The following SEMA6D variants were observed in gnomAD, a reference collection of about 807,000 sequenced individuals.
SEMA6D encodes semaphorin-6D.
SEMA6D carries 35 observed loss-of-function variants against 106.6 expected under a neutral mutation model. The observed-to-expected ratio is 0.33, with a 90% CI of 0.25 to 0.44. The LOEUF (loss-of-function observed/expected upper bound fraction) is 0.44, where lower values mean the gene tolerates loss of function less well. Among genes scored for constraint, SEMA6D ranks in the 20% least tolerant of loss-of-function variants. The pLI, the probability that SEMA6D is intolerant of heterozygous loss-of-function variation, is 1.00. For missense variants in SEMA6D, 1,185 were observed against 1,345.9 expected, an observed-to-expected ratio of 0.88 and a Z score of 1.87; for synonymous variants, 499 against 487.7, an observed-to-expected ratio of 1.02 and a Z score of -0.31.
intron 2 of SEMA6D, among the ~76,000 whole-genome samples, chr15:47,453,625 T>G (rs1291295672): frequency 6.6e-6 from 1 of 152,066 alleles, no homozygotes; most frequent in East Asian, 1.9e-4. Context: ...GTTTTCAGTT[T>G]GCTTCCATGA....
intron 2 of SEMA6D, among the ~76,000 whole-genome samples, chr15:47,469,032 C>T (rs189828091): frequency 2.6e-5 from 4 of 152,242 alleles, no homozygotes; most frequent in Admixed American, 2.6e-4. Flanking sequence ...TTCCTGTCAG[C>T]ATAATTTCTT....
chr15:47,623,570 G>A (rs570548030), intron 4 of SEMA6D, among the ~76,000 whole-genome samples: 4 of 152,124 alleles, frequency 2.6e-5, no homozygotes, highest in African/African-American at 9.7e-5. Flanking sequence ...AAATGAGAGT[G>A]GTGTTGATAC....
rs192156332 is a variant in SEMA6D at position 47,637,297 on chromosome 15, G to A, written c.-55+36401G>A. The stretch of plus-strand genomic sequence containing the variant: ...AGTGCTTTCCCTAAGACAGCTTCTG[G>A]TAAATGTGGGTTTTGAATTGTATTA... On this transcript the variant is annotated intron_variant, in intron 4 of 19. Coordinates refer to the SEMA6D transcript ENST00000558014. Among the ~76,000 whole-genome samples the A allele has an allele frequency of 3.8e-4, 58 of 152,240 alleles. No homozygotes were observed. The South Asian group carries it at 0.01, about 27-fold the overall frequency.
chr15:47,764,308 A>G lies in SEMA6D; in HGVS notation c.1097+3A>G. On this transcript the variant is annotated splice_donor_region_variant and intron_variant, in intron 11 of 18. Coordinates refer to ENST00000536845, the MANE Select transcript of SEMA6D (RefSeq NM_001358351.3). ...GAAGACAAAGTGCCAAAGCCAAGGT[A>G]AATAAAAAAGTAGAAAAGGGTTTTG... The G allele has an allele frequency of 1.2e-6, 2 of 1,610,346 alleles. No individual in the cohort carries two copies. The highest frequency in any genetic ancestry group is 1.7e-6 in the Non-Finnish European group (2 of 1,178,848).
intron 4 of SEMA6D, among the ~76,000 whole-genome samples, chr15:47,622,959 A>G (rs766786670): frequency 1.3e-5 from 2 of 151,716 alleles, no homozygotes; most frequent in Admixed American, 6.6e-5. Flanking sequence ...GAAAGAGTGC[A>G]TGGAATCAGT....
intron 4 of SEMA6D, among the ~76,000 whole-genome samples, chr15:47,693,312 C>A (rs187432957): frequency 1.5e-3 from 226 of 152,250 alleles, no homozygotes; most frequent in African/African-American, 5.4e-3. Context: ...ACCAAGCTTG[C>A]CAACACCGTG....
At position 47,284,365 on chromosome 15, in the gene SEMA6D, T is replaced by C. The variant is rs2035265173; in HGVS notation, c.-239+99947T>C. 2.6e-5 allele frequency among the ~76,000 whole-genome samples: 4 copies of C among 152,202 alleles called. 1 individual carries two copies. In the South Asian group the frequency reaches 8.3e-4, roughly 31 times the overall value. Reference sequence around the variant, plus strand: ...CTGGGTTACACTGAATCTGCAGTTGTGGTCATATGTCACTGGGCCCCCGTT... The same window carrying C: ...CTGGGTTACACTGAATCTGCAGTTGCGGTCATATGTCACTGGGCCCCCGTT... On this transcript the variant is annotated intron_variant, in intron 1 of 19. Coordinates refer to the SEMA6D transcript ENST00000558014.
At chr15:47,707,550 G>A (rs1042735325) in intron 4 of SEMA6D, among the ~76,000 whole-genome samples, 1 of 152,164 alleles carries the variant, frequency 6.6e-6, no homozygotes, top group Non-Finnish European at 1.5e-5. Context: ...CAGTAAGACT[G>A]CATGATTTCC....
At position 47,467,071 on chromosome 15, in the gene SEMA6D, T is replaced by C. The variant is rs536430653; in HGVS notation, c.-158-3403T>C. On this transcript the variant is annotated intron_variant, in intron 2 of 19. Coordinates refer to the SEMA6D transcript ENST00000558014. ...AGGTACCTTGACACCTTTTTCATAA[T>C]GGTTGTACCAATTTAAAATTCCACT... Among the ~76,000 whole-genome samples the C allele has an allele frequency of 4.6e-5, 7 of 152,208 alleles. No individual in the cohort carries two copies. The South Asian group carries it at 1.2e-3, about 27-fold the overall frequency.
Position 47,771,094 on chromosome 15 carries a change from C to A in SEMA6D, c.2531C>A (p.Ser844Tyr). 6.2e-7 allele frequency: 1 copy of A among 1,614,126 alleles called. No individual in the cohort carries two copies. ...GACTACAACACGTCTTTCTCAAACTCCAATGCTCACAAAGCTGAAAAGAAG... is the reference window on the plus strand; with the variant it reads ...GACTACAACACGTCTTTCTCAAACTACAATGCTCACAAAGCTGAAAAGAAG... ...THDYNTSFSN[S>Y]NAHKAEKKLQ... The change falls in exon 19 of 19, where the codon TCC becomes TAC. Residue 844 changes from serine (S) to tyrosine (Y), a missense_variant. Physicochemically the swap from Ser to Tyr is moderately radical, Grantham distance 144 (BLOSUM62 -2). This residue lies in a region of SEMA6D where 750 missense variants were observed against 783.5 expected (regional missense o/e 0.96). Coordinates refer to ENST00000536845, the MANE Select transcript of SEMA6D (RefSeq NM_001358351.3).
chr15:47,700,452 C>T (rs568174454), intron 4 of SEMA6D, among the ~76,000 whole-genome samples: 2 of 152,244 alleles, frequency 1.3e-5, no homozygotes, highest in South Asian at 4.1e-4. Context: ...GGGAGGACTG[C>T]TTGAGCCTAG....
intron 4 of SEMA6D, among the ~76,000 whole-genome samples, chr15:47,693,985 T>G (rs2078646751): frequency 1.3e-5 from 2 of 152,102 alleles, no homozygotes; most frequent in African/African-American, 4.8e-5. Flanking sequence ...AGCACTTGAT[T>G]TTTTCAGAGC....
intron 1 of SEMA6D, among the ~76,000 whole-genome samples, chr15:47,186,092 C>CAT (rs887337058): frequency 5.5e-4 from 83 of 151,570 alleles, no homozygotes; most frequent in African/African-American, 9.7e-4. Context: ...TATGTGTGTG[C>CAT]ATATATATAT....
At chr15:47,322,283 T>A (rs2036953300) in intron 1 of SEMA6D, among the ~76,000 whole-genome samples, 3 of 151,750 alleles carry the variant, frequency 2.0e-5, no homozygotes, top group Admixed American at 1.3e-4. Context: ...CTAGTTATTT[T>A]TTTTTTTTTT....
At chr15:47,595,560 C>T (rs2076519326) in intron 3 of SEMA6D, among the ~76,000 whole-genome samples, 1 of 152,064 alleles carries the variant, frequency 6.6e-6, no homozygotes, top group South Asian at 2.1e-4. Context: ...ATTGTAATGT[C>T]TTTGTCTGGC....
intron 4 of SEMA6D, among the ~76,000 whole-genome samples, chr15:47,688,931 C>G (rs945428296): frequency 6.6e-6 from 1 of 152,188 alleles, no homozygotes; most frequent in Non-Finnish European, 1.5e-5. Context: ...AAGGAAATGA[C>G]TCATGGGCCA....
intron 1 of SEMA6D, among the ~76,000 whole-genome samples, chr15:47,226,384 A>C (rs987652467): frequency 6.6e-6 from 1 of 152,052 alleles, no homozygotes; most frequent in Non-Finnish European, 1.5e-5. Flanking sequence ...AACTAATGCA[A>C]TTATCTATGC....
At chr15:47,687,286 G>A (rs1043368759) in intron 4 of SEMA6D, among the ~76,000 whole-genome samples, 6 of 152,048 alleles carry the variant, frequency 3.9e-5, no homozygotes, top group Non-Finnish European at 7.4e-5. Flanking sequence ...AGATGCTTCC[G>A]TGCCCTTGAA....
intron 4 of SEMA6D, among the ~76,000 whole-genome samples, chr15:47,605,851 T>A (rs369435270): frequency 6.6e-6 from 1 of 152,214 alleles, no homozygotes; most frequent in East Asian, 1.9e-4. Flanking sequence ...GAAGCTCTTC[T>A]AAACCTCCAT....
Sources: gnomAD v4.1 joint callset for allele counts (sites outside exome capture counted in the v4.1 genomes callset) on GRCh38, gnomAD v4.1.1 for gene constraint, gnomAD v4.1.1 regional missense constraint, MANE v1.5 for transcripts, NCBI Gene and HGNC (gene_info 2026-07-23, HGNC 2026-07-21) for gene names.